CNTNAP1: variants seen among roughly 807,000 people sequenced by gnomAD.
CNTNAP1 encodes the protein contactin-associated protein 1.
A neutral mutation model predicts 161.5 loss-of-function variants in CNTNAP1; 80 were observed. That is an observed-to-expected ratio of 0.50 (90% CI 0.41 to 0.60). CNTNAP1 has a LOEUF of 0.60. Ranked by LOEUF, CNTNAP1 falls within the 20% of genes least tolerant of loss-of-function variation. The pLI is 0.00. For missense variants in CNTNAP1, 1,464 were observed against 1,854.8 expected, an observed-to-expected ratio of 0.79 and a Z score of 3.87; for synonymous variants, 695 against 733.1, an observed-to-expected ratio of 0.95 and a Z score of 0.84.
chr17:42,688,067 C>T (rs1461383017), intron 8 of CNTNAP1, 86 bp downstream of exon 8: 7 of 1,517,868 alleles, frequency 4.6e-6, no homozygotes, highest in Non-Finnish European at 5.3e-6. Context: ...GAGGCCTTTA[C>T]ATTCTGGAGA....
intron 3 of CNTNAP1, 81 bp from the exon 4 acceptor site, chr17:42,684,910 G>T: frequency 6.6e-7 from 1 of 1,504,700 alleles, no homozygotes. Context: ...GGGCGACAGA[G>T]CGAGACTCTG....
In CNTNAP1 at chr17:42,687,018, T is replaced by C; in HGVS notation, c.1016T>C (p.Val339Ala). 6.2e-7 allele frequency: 1 copy of C among 1,613,430 alleles called. No homozygotes were observed. The highest frequency in any genetic ancestry group is 8.5e-7 in the Non-Finnish European group (1 of 1,179,608). ...FNRVNIADLA[V>A]RRHSRITFEG... is the part of the protein sequence containing the mutation. ...CGCGTCAACATCGCAGACCTGGCCGTGCGGCGCCATTCCCGGATCACCTTC... is the reference window on the plus strand; with the variant it reads ...CGCGTCAACATCGCAGACCTGGCCGCGCGGCGCCATTCCCGGATCACCTTC... Residue 339 changes from valine (V) to alanine (A), a missense_variant, in exon 7 of 24, where the codon GTG (valine) becomes GCG (alanine). Around this residue, in one of 3 missense-constraint regions of CNTNAP1, gnomAD observed 1,383 missense variants for 1,765.0 expected, o/e 0.78. Coordinates refer to ENST00000264638, the MANE Select transcript of CNTNAP1 (RefSeq NM_003632.3). The surrounding 1 kb of genome is among the most constrained non-coding windows in gnomAD (Gnocchi z 4.7).
intron 16 of CNTNAP1, 144 bp from the exon 17 acceptor site, chr17:42,692,355 T>TA: frequency 1.4e-6 from 1 of 708,172 alleles, no homozygotes; most frequent in Non-Finnish European, 2.4e-6. Flanking sequence ...AGCTGGTAAG[T>TA]TTCAATGCAA....
At chr17:42,692,823 C>G (rs1261655167) in intron 17 of CNTNAP1, 103 bp downstream of exon 17, 1 of 1,028,568 alleles carries the variant, frequency 9.7e-7, no homozygotes, top group Non-Finnish European at 1.4e-6. Context: ...GTGCCAGTCC[C>G]CTCTGCTTCA....
Position 42,697,772 on chromosome 17 carries a change from G to A in CNTNAP1, c.3787G>A (p.Glu1263Lys). ...ACGTCTTGTTTCAGAGGTGCCACCT[G>A]AGCTTGATCCCTGGTATCTGCCCCC... ...MPRLVSEVPP[E>K]LDPWYLPPDF... The change falls in exon 22 of 24, where the codon GAG (glutamate) becomes AAG (lysine). Residue 1263 changes from glutamate to lysine, a missense_variant. Glu to Lys is a moderately conservative substitution (Grantham distance 56). Coordinates refer to ENST00000264638, the MANE Select transcript of CNTNAP1 (RefSeq NM_003632.3). 6.2e-7 allele frequency: 1 copy of A among 1,614,152 alleles called. No homozygotes were observed. The highest frequency in any genetic ancestry group is 8.5e-7 in the Non-Finnish European group (1 of 1,180,024).
Position 42,682,534 on chromosome 17 carries a change from A to T in CNTNAP1, c.-296A>T, listed in dbSNP as rs975186796. On this transcript the variant is annotated 5_prime_UTR_variant, in exon 1 of 24. Coordinates refer to ENST00000264638, the MANE Select transcript of CNTNAP1 (RefSeq NM_003632.3). The stretch of plus-strand genomic sequence containing the variant: ...CACGCGCTTGCGCGGGGTCCGGGAA[A>T]CCGGCGCGTGCCAGGAGACAGAGGC... 1 of 487,422 alleles carries T rather than the reference A, an allele frequency of 2.1e-6. No homozygotes were observed. Among genetic ancestry groups the T allele is most frequent in the African/African-American group, 2.0e-5 (1 of 49,546 alleles). 30.2% of individuals were successfully genotyped at this position (487,422 alleles called of 1,614,324 possible).
chr17:42,692,054 G>A lies in CNTNAP1; in HGVS notation c.2530+63G>A, dbSNP rs960163840. 4 of 1,547,138 alleles carry A rather than the reference G, an allele frequency of 2.6e-6. No homozygotes were observed. The African/African-American group carries it at 5.4e-5, about 21-fold the overall frequency. On this transcript the variant is annotated intron_variant, in intron 16 of 23. Transcript: ENST00000264638. ...GAAAGTGCTGTCTGGGGAGACAGGGGTAGGCTGGGGTTGGAGCCAAGGGCA... is the reference window on the plus strand; with the variant it reads ...GAAAGTGCTGTCTGGGGAGACAGGGATAGGCTGGGGTTGGAGCCAAGGGCA...
rs1390403489 is a variant in CNTNAP1 at position 42,687,189 on chromosome 17, C to T, written c.1044+143C>T. ...CCAGATGCTCAAGTTGGGAGGGGAG[C>T]GGGTCTCACCTGAGGTGCATGAGCC... On this transcript the variant is annotated intron_variant, in intron 7 of 23. Transcript: ENST00000264638. The surrounding 1 kb of genome is among the most constrained non-coding windows in gnomAD (Gnocchi z 4.7). The T allele has an allele frequency of 2.5e-6, 3 of 1,183,918 alleles. No homozygotes were observed. Among genetic ancestry groups the T allele is most frequent in the African/African-American group, 3.1e-5 (2 of 65,446 alleles). The allele number at this position is 1,183,918 out of a possible 1,614,324, so 73.3% of individuals were successfully genotyped here.
At chr17:42,696,667 A>C (rs2053156950) in intron 20 of CNTNAP1, among the ~76,000 whole-genome samples, 3 of 152,118 alleles carry the variant, frequency 2.0e-5, no homozygotes, top group African/African-American at 7.2e-5. Flanking sequence ...ATCAGTAAAG[A>C]GCCTCAGAAA....
rs972630088 is a variant in CNTNAP1, at chr17:42,691,807, A to C, written c.2346A>C (p.Arg782=). 1.2e-6 allele frequency: 2 copies of C among 1,613,444 alleles called. No individual in the cohort carries two copies. The highest frequency in any genetic ancestry group is 1.7e-5 in the Admixed American group (1 of 59,950). The change falls in exon 16 of 24, where the codon CGA becomes CGC. Residue 782 remains arginine (R), a splice_region_variant and synonymous_variant. Coordinates refer to ENST00000264638, the MANE Select transcript of CNTNAP1 (RefSeq NM_003632.3). The surrounding 1 kb of genome is among the most constrained non-coding windows in gnomAD (Gnocchi z 4.3). ...ACCTTCCTCCATCTGCTTTTCTAGG[A>C]AATTCCTGGAACACCATTTCCTTCC... is the stretch of plus-strand genomic sequence containing the variant. ...FLRPLRCYGD[R]NSWNTISFHT...
At chr17:42,692,378 T>C (rs1185353358) in intron 16 of CNTNAP1, 121 bp from the exon 17 acceptor site, 13 of 817,788 alleles carry the variant, frequency 1.6e-5, no homozygotes, top group East Asian at 2.5e-5. Context: ...TACAGACAAA[T>C]TGGAGGGATA....
chr17:42,683,683 T>A (rs2052967419), intron 1 of CNTNAP1, 138 bp from the exon 2 acceptor site: 1 of 1,453,762 alleles, frequency 6.9e-7, no homozygotes, highest in East Asian at 2.5e-5. Context: ...AATAGATGGC[T>A]TTAAGGTAGG....
chr17:42,689,041 C>T lies in CNTNAP1; in HGVS notation c.1622C>T (p.Thr541Ile), dbSNP rs2053053829. 1.3e-6 allele frequency: 2 copies of T among 1,575,550 alleles called. No homozygotes were observed. Among genetic ancestry groups the T allele is most frequent in the Non-Finnish European group, 1.7e-6 (2 of 1,158,876 alleles). ...GTCCTCTTTGATACATGTGGCATCA[C>T]TGATAGGTACCCAGAAGCCCCTAAC... ...AEVLFDTCGITDRCSPNMCEH... is the reference protein window; with the variant it reads ...AEVLFDTCGIIDRCSPNMCEH... Residue 541 changes from threonine to isoleucine, a missense_variant, in exon 10 of 24, where the codon ACT (threonine) becomes ATT (isoleucine). Physicochemically the swap from Thr to Ile is moderately conservative, Grantham distance 89 (BLOSUM62 -1). This residue lies in a region of CNTNAP1 where 1,383 missense variants were observed against 1,765.0 expected (regional missense o/e 0.78). Coordinates refer to ENST00000264638, the MANE Select transcript of CNTNAP1 (RefSeq NM_003632.3).
At chr17:42,688,099 A>G in intron 8 of CNTNAP1, 118 bp downstream of exon 8, 1 of 1,404,596 alleles carries the variant, frequency 7.1e-7, no homozygotes, top group South Asian at 1.4e-5. Flanking sequence ...TGAAGGGGGC[A>G]GGGCAGGAGG....
intron 11 of CNTNAP1, 59 bp downstream of exon 11, chr17:42,689,686 G>A (rs1357020831): frequency 7.2e-7 from 1 of 1,397,210 alleles, no homozygotes; most frequent in Non-Finnish European, 1.0e-6. Context: ...GAAGGTTGCT[G>A]GGGATCATCA....
rs1458872355 is a variant in CNTNAP1, at chr17:42,684,334, C to G, written c.363+105C>G. The G allele has an allele frequency of 2.3e-5, 26 of 1,114,520 alleles. No individual in the cohort carries two copies. The East Asian group carries it at 5.7e-4, about 24-fold the overall frequency. 69.0% of individuals were successfully genotyped at this position (1,114,520 alleles called of 1,614,324 possible). A position where few individuals can be genotyped will look rare whatever the true frequency, so the allele number is the denominator to read the frequency against. On this transcript the variant is annotated intron_variant, in intron 3 of 23. Coordinates refer to ENST00000264638, the MANE Select transcript of CNTNAP1 (RefSeq NM_003632.3). ...AATGGAGGGGGTGGTGGTGAGGGCT[C>G]GGACAAGGAGCAGTGACTCCACTCC... is the stretch of plus-strand genomic sequence containing the variant.
chr17:42,688,358 GGCT>G (rs2053044292), intron 8 of CNTNAP1, 101 bp from the exon 9 acceptor site: 1 of 1,476,390 alleles, frequency 6.8e-7, no homozygotes, highest in African/African-American at 1.4e-5. Flanking sequence ...GGGGCACACA[GGCT>G]GCTACTGGGA....
At chr17:42,695,355 T>C (rs1597810906) in intron 18 of CNTNAP1, among the ~76,000 whole-genome samples, 166 bp from the exon 19 acceptor site, 1 of 152,172 alleles carries the variant, frequency 6.6e-6, no homozygotes, top group Non-Finnish European at 1.5e-5. Flanking sequence ...GGCTGTAAGA[T>C]TCTGTTCTGT....
At position 42,685,850 on chromosome 17, in the gene CNTNAP1, T is replaced by C; in HGVS notation, c.716-107T>C. On this transcript the variant is annotated intron_variant, in intron 5 of 23. Coordinates refer to ENST00000264638, the MANE Select transcript of CNTNAP1 (RefSeq NM_003632.3). The surrounding 1 kb of genome is among the most constrained non-coding windows in gnomAD (Gnocchi z 5.0). ...TGGCTGTTGATCTATTCGCCCACTC[T>C]CCCTGATTGCCCTGGGCTTTGTTAC... 8.3e-7 allele frequency: 1 copy of C among 1,202,748 alleles called. No individual in the cohort carries two copies. Among genetic ancestry groups the C allele is most frequent in the East Asian group, 2.4e-5 (1 of 41,918 alleles). The allele number at this position is 1,202,748 out of a possible 1,614,324, so 74.5% of individuals were successfully genotyped here. A position where few individuals can be genotyped will look rare whatever the true frequency, so the allele number is the denominator to read the frequency against.
Sources: gnomAD v4.1 joint callset for allele counts (sites outside exome capture counted in the v4.1 genomes callset) on GRCh38, gnomAD v4.1.1 for gene constraint, gnomAD v4.1.1 regional missense constraint, Gnocchi (gnomAD v3.1) non-coding constraint, MANE v1.5 for transcripts, NCBI Gene and HGNC (gene_info 2026-07-23, HGNC 2026-07-21) for gene names.